Variants in RASEF observed in about 807,000 individuals in gnomAD.
RASEF encodes ras and EF-hand domain-containing protein.
A neutral mutation model predicts 90.1 loss-of-function variants in RASEF; 68 were observed. The ratio of observed to expected loss-of-function variants is 0.75; its 90% CI spans 0.62 to 0.92. The LOEUF is 0.92. RASEF is among the 40% of genes least tolerant of loss of function. The pLI, the probability that RASEF is intolerant of heterozygous loss-of-function variation, is 0.00. For synonymous variants in RASEF, 331 were observed against 345.2 expected, an observed-to-expected ratio of 0.96 and a Z score of 0.46; for missense variants, 949 against 937.2, an observed-to-expected ratio of 1.01 and a Z score of -0.16.
At chr9:83,174,290 T>A in the RASEF span, among the ~76,000 whole-genome samples, 40 of 152,102 alleles carry the variant, frequency 2.6e-4, no homozygotes, top group African/African-American at 9.6e-4. Context: ...CTTATGTTCA[T>A]ATTTTCAGTC....
In RASEF at chr9:83,015,859, A is replaced by T. The variant is rs1829334023; in HGVS notation, c.711T>A (p.Arg237=). ...KAEEALSDLR[R]QYETEVGDLQ... ...GATCTCCTACTTCAGTTTCATACTG[A>T]CGTCTGAGGTCACTGAGGGCTTCCT... The change falls in exon 4 of 17, where the codon CGT becomes CGA. Residue 237 remains arginine (R), a synonymous_variant. Coordinates refer to ENST00000376447, the MANE Select transcript of RASEF (RefSeq NM_152573.4). The T allele has an allele frequency of 6.2e-7, 1 of 1,613,878 alleles. No homozygotes were observed. The highest frequency in any genetic ancestry group is 1.1e-5 in the South Asian group (1 of 91,076).
At chr9:83,066,604 C>T (rs910164425), upstream of RASEF, among the ~76,000 whole-genome samples, 10 of 152,310 alleles carry the variant, frequency 6.6e-5, no homozygotes, top group African/African-American at 2.4e-4. Context: ...GGAGAGCTTG[C>T]CCATGATTGT....
chr9:83,065,669 C>T (rs1031869766), upstream of RASEF, among the ~76,000 whole-genome samples: 2 of 152,144 alleles, frequency 1.3e-5, no homozygotes, highest in Non-Finnish European at 2.9e-5. Flanking sequence ...AAAGAGACAG[C>T]CTCTAATATA....
the RASEF span, among the ~76,000 whole-genome samples, chr9:83,086,929 C>T: frequency 6.6e-6 from 1 of 152,178 alleles, no homozygotes; most frequent in Admixed American, 6.5e-5. Flanking sequence ...CAGACCAACG[C>T]TAACACAATG....
chr9:83,097,845 A>T, the RASEF span, among the ~76,000 whole-genome samples: 3 of 152,178 alleles, frequency 2.0e-5, no homozygotes, highest in African/African-American at 7.2e-5. Context: ...CATCATTGTC[A>T]TCGTCGTCAT....
intron 1 of RASEF, among the ~76,000 whole-genome samples, chr9:83,049,708 CAGT>C (rs1830007233): frequency 6.4e-5 from 7 of 108,694 alleles, no homozygotes; most frequent in African/African-American, 1.2e-4. Flanking sequence ...GACCCCACCA[CAGT>C]CCCCAGAGTG....
chr9:83,207,991 T>C, the RASEF span, among the ~76,000 whole-genome samples: 1 of 152,192 alleles, frequency 6.6e-6, no homozygotes, highest in Admixed American at 6.5e-5. Context: ...TCTGTTCTTG[T>C]AGTGGCATGT....
chr9:82,980,809 T>C lies in RASEF; in HGVS notation c.*1868A>G, dbSNP rs1587469182. ...AAAATTTCCCATATGCAAGACATTC[T>C]TTATGATCAGAAATGTAATCTTTTC... On this transcript the variant is annotated 3_prime_UTR_variant, in exon 17 of 17. Transcript: ENST00000376447. 6.6e-6 allele frequency: 1 copy of C among 152,200 alleles called. No homozygotes were observed. The highest frequency in any genetic ancestry group is 1.5e-5 in the Non-Finnish European group (1 of 68,032). The allele number at this position is 152,200 out of a possible 1,614,324, so 9.4% of individuals were successfully genotyped here.
chr9:82,988,215 CCT>C (rs1450739362), intron 16 of RASEF, among the ~76,000 whole-genome samples: 2 of 152,214 alleles, frequency 1.3e-5, no homozygotes, highest in African/African-American at 4.8e-5. Context: ...TGAACTCTCC[CCT>C]CTTTACTGAA....
At chr9:83,211,743 G>T in the RASEF span, among the ~76,000 whole-genome samples, 3 of 152,112 alleles carry the variant, frequency 2.0e-5, no homozygotes, top group South Asian at 2.1e-4. Context: ...AAGATGACTT[G>T]GCTATTGTCT....
chr9:83,068,395 C>G, the RASEF span, among the ~76,000 whole-genome samples: 2 of 152,184 alleles, frequency 1.3e-5, no homozygotes, highest in Non-Finnish European at 2.9e-5. Flanking sequence ...TTATATGATT[C>G]CATTCCCCTC....
the RASEF span, among the ~76,000 whole-genome samples, chr9:83,144,933 C>T: frequency 6.6e-6 from 1 of 152,266 alleles, no homozygotes; most frequent in Non-Finnish European, 1.5e-5. Context: ...ATAGCCAAAA[C>T]AAATTTGTAT....
the RASEF span, among the ~76,000 whole-genome samples, chr9:83,166,241 C>CATA: frequency 6.6e-6 from 1 of 152,112 alleles, no homozygotes; most frequent in Non-Finnish European, 1.5e-5. Flanking sequence ...TTCTAATGAA[C>CATA]ATAGCTGCGA....
In RASEF at chr9:83,004,515, T is replaced by C. The variant is rs1829093920; in HGVS notation, c.1185A>G (p.Gln395=). 1 of 1,599,026 alleles carries C rather than the reference T, an allele frequency of 6.3e-7. No individual in the cohort carries two copies. The highest frequency in any genetic ancestry group is 1.3e-5 in the African/African-American group (1 of 74,698). The stretch of plus-strand genomic sequence containing the variant: ...TAACATACCTGTCATAGCCTAGAGG[T>C]TGAGGGGAATGACCAATGAATTTGG... ...SSPKFIGHSP[Q]PLGYDRSSRS... The change falls in exon 9 of 17, where the codon CAA becomes CAG. Residue 395 remains glutamine (Q), a synonymous_variant. Transcript: ENST00000376447.
At chr9:83,093,819 C>T in the RASEF span, among the ~76,000 whole-genome samples, 9 of 152,220 alleles carry the variant, frequency 5.9e-5, no homozygotes, top group African/African-American at 1.9e-4. Flanking sequence ...GCAGAGGAGG[C>T]GCCGAGAGCG....
chr9:83,202,295 A>G, the RASEF span, among the ~76,000 whole-genome samples: 4 of 152,358 alleles, frequency 2.6e-5, no homozygotes, highest in Admixed American at 2.6e-4. Flanking sequence ...AAGCAGCTGC[A>G]ATGACTCAGA....
At chr9:83,021,380 T>C (rs1382944037) in intron 3 of RASEF, among the ~76,000 whole-genome samples, 1 of 152,218 alleles carries the variant, frequency 6.6e-6, no homozygotes, top group Non-Finnish European at 1.5e-5. Flanking sequence ...CACTCAGTGT[T>C]AACAGGGCAA....
intron 3 of RASEF, among the ~76,000 whole-genome samples, chr9:83,017,449 G>A (rs960317710): frequency 1.3e-5 from 2 of 151,676 alleles, no homozygotes; most frequent in African/African-American, 2.4e-5. Context: ...GCAGTGAGCC[G>A]AGATCGCGCC....
the RASEF span, among the ~76,000 whole-genome samples, chr9:83,186,239 G>A: frequency 2.6e-5 from 4 of 152,104 alleles, no homozygotes; most frequent in African/African-American, 9.7e-5. Context: ...TAGGGGAAAA[G>A]CTTACAACAA....
Sources: allele counts gnomAD v4.1 joint callset (sites outside exome capture counted in the v4.1 genomes callset), GRCh38; gene constraint gnomAD v4.1.1; transcripts MANE v1.5; gene names NCBI Gene and HGNC (gene_info 2026-07-23, HGNC 2026-07-21).